The following TEX55 variants were observed in gnomAD, a reference collection of about 807,000 sequenced individuals.
TEX55 encodes the protein testis-specific expressed protein 55.
Under a neutral mutation model 44.6 loss-of-function variants are expected in TEX55, and 31 were observed. That is an observed-to-expected ratio of 0.69 (90% confidence interval 0.52 to 0.94). The LOEUF is 0.94. Ranked by LOEUF, TEX55 falls within the 40% of genes least tolerant of loss-of-function variation. The probability of loss-of-function intolerance (pLI) is 0.00; values close to 1 mark genes in which losing one functional copy is unlikely to be tolerated. For missense variants in TEX55, 639 were observed against 638.4 expected (o/e 1.00, Z -0.01); for synonymous variants, 230 against 230.9 (o/e 1.00, Z 0.04).
rs1054803593 is a variant in TEX55, at chr3:119,148,486, A to C, written c.1542+163A>C. Among the ~76,000 whole-genome samples, 22 of 152,224 alleles carry C rather than the reference A, an allele frequency of 1.4e-4. 1 individual carries two copies. The highest frequency in any genetic ancestry group is 5.1e-4 in the African/African-American group (21 of 41,468). On this transcript the variant is annotated intron_variant, in intron 2 of 2. Coordinates refer to ENST00000295622, the MANE Select transcript of TEX55 (RefSeq NM_152539.3). ...TAAACACCAAATAGATGATACCATC[A>C]TATGAAGCCATTCAGAGGGATTAGA...
At chr3:119,147,712 G>T (rs1216488470) in intron 1 of TEX55, 125 bp downstream of exon 1, 3 of 810,536 alleles carry the variant, frequency 3.7e-6, no homozygotes, top group African/African-American at 3.5e-5. Context: ...AAACCCACAT[G>T]TTGTGGTATG....
At chr3:119,149,779 C>T (rs1469832012) in intron 2 of TEX55, among the ~76,000 whole-genome samples, 2 of 152,108 alleles carry the variant, frequency 1.3e-5, no homozygotes, top group African/African-American at 2.4e-5. Context: ...ATATGGAACA[C>T]GACTATACTT....
In TEX55 at chr3:119,151,374, C is replaced by T. The variant is rs998718376; in HGVS notation, c.*82C>T. 1.2e-5 allele frequency: 14 copies of T among 1,152,850 alleles called. No individual in the cohort carries two copies. The highest frequency in any genetic ancestry group is 1.1e-4 in the South Asian group (8 of 71,886). 71.4% of individuals were successfully genotyped at this position (1,152,850 alleles called of 1,614,324 possible). A position where few individuals can be genotyped will look rare whatever the true frequency, so the allele number is the denominator to read the frequency against. ...ACAGCAAAGTGTATAGAACAAAGTA[C>T]GTACAACTCTGAATTCTTATGAAGT... is the stretch of plus-strand genomic sequence containing the variant. On this transcript the variant is annotated 3_prime_UTR_variant, in exon 3 of 3. Transcript: ENST00000295622.
chr3:119,151,103 C>A, intron 2 of TEX55, 121 bp from the exon 3 acceptor site: 1 of 685,850 alleles, frequency 1.5e-6, no homozygotes, highest in Non-Finnish European at 2.6e-6. Flanking sequence ...GGGAACCCAT[C>A]TCTGAAAAAA....
At chr3:119,150,757 T>TG (rs2077774513) in intron 2 of TEX55, among the ~76,000 whole-genome samples, 1 of 152,144 alleles carries the variant, frequency 6.6e-6, no homozygotes, top group African/African-American at 2.4e-5. Flanking sequence ...AAGACCACAG[T>TG]TCTCAAAACA....
Position 119,146,963 on chromosome 3 carries a change from T to A in TEX55, c.774T>A (p.Ile258=). The change falls in exon 1 of 3, where the codon ATT becomes ATA. Residue 258 remains isoleucine, a synonymous_variant. Coordinates refer to ENST00000295622, the MANE Select transcript of TEX55 (RefSeq NM_152539.3). ...CTGACCAAAGACCTTCCGTACAGAT[T>A]GACCGCAGAATGTCAGGGAAAGTTA... ...VPSDQRPSVQ[I]DRRMSGKVRR... is the part of the protein sequence containing the mutation. 6.2e-7 allele frequency: 1 copy of A among 1,614,194 alleles called. No homozygotes were observed. The highest frequency in any genetic ancestry group is 8.5e-7 in the Non-Finnish European group (1 of 1,180,030).
Position 119,146,816 on chromosome 3 carries a change from G to GATTACACAC in TEX55, c.629_637dup (p.Ile210_His212dup), listed in dbSNP as rs1200073719. ...AGGCTGAGCGAAGAACTTCTGAGCAGATTACACACAGATTATCCAAACTAT... is the reference window on the plus strand; with the variant it reads ...AGGCTGAGCGAAGAACTTCTGAGCAGATTACACACATTACACACAGATTATCCAAACTAT... On this transcript the variant is annotated inframe_insertion, in exon 1 of 3. Coordinates refer to ENST00000295622, the MANE Select transcript of TEX55 (RefSeq NM_152539.3). 4.3e-6 allele frequency: 7 copies of GATTACACAC among 1,614,138 alleles called. No individual in the cohort carries two copies. The Middle Eastern group carries it at 4.9e-4, about 114-fold the overall frequency.
rs1198907662 is a variant in TEX55, at chr3:119,146,753, A to T, written c.564A>T (p.Arg188Ser). ...TDHRMAGQSE[R>S]RASEQMDRRM... ...ACAGAATGGCAGGCCAGTCTGAGAG[A>T]AGAGCTTCCGAGCAGATGGACCGCA... The change falls in exon 1 of 3, where the codon AGA (arginine) becomes AGT (serine). Residue 188 changes from arginine to serine, a missense_variant. By Grantham distance (110) the Arg-to-Ser change is moderately radical. Coordinates refer to ENST00000295622, the MANE Select transcript of TEX55 (RefSeq NM_152539.3). The T allele has an allele frequency of 1.2e-6, 2 of 1,613,930 alleles. No individual in the cohort carries two copies. The highest frequency in any genetic ancestry group is 1.7e-6 in the Non-Finnish European group (2 of 1,179,910).
At chr3:119,150,023 ATTTTGTAATCTGT>A (rs567198464) in intron 2 of TEX55, among the ~76,000 whole-genome samples, 1 of 152,304 alleles carries the variant, frequency 6.6e-6, no homozygotes, top group East Asian at 1.9e-4. Flanking sequence ...AAGAGCACAG[ATTTTGTAATCTGT>A]TAGCCCAAGT....
At chr3:119,151,178 A>AT (rs1553739397) in intron 2 of TEX55, 46 bp from the exon 3 acceptor site, 1 of 1,232,510 alleles carries the variant, frequency 8.1e-7, no homozygotes, top group South Asian at 1.2e-5. Context: ...TGACCACATA[A>AT]TTTTGCTCAG....
In TEX55 at chr3:119,147,201, G is replaced by C. The variant is rs1428810919; in HGVS notation, c.1012G>C (p.Ala338Pro). The change falls in exon 1 of 3, where the codon GCT becomes CCT. Residue 338 changes from alanine (A) to proline (P), a missense_variant. Coordinates refer to ENST00000295622, the MANE Select transcript of TEX55 (RefSeq NM_152539.3). The stretch of plus-strand genomic sequence containing the variant: ...TGCTGATCAACCTCCAGTTGACAAT[G>C]CTCACTACACTGAATCTGACCAGAC... ...SNADQPPVDN[A>P]HYTESDQTDH... The C allele has an allele frequency of 8.1e-6, 13 of 1,614,116 alleles. No individual in the cohort carries two copies. Among genetic ancestry groups the C allele is most frequent in the Non-Finnish European group, 1.1e-5 (13 of 1,180,026 alleles).
At position 119,147,302 on chromosome 3, in the gene TEX55, C is replaced by T; in HGVS notation, c.1113C>T (p.Asp371=). 5.0e-6 allele frequency: 8 copies of T among 1,614,152 alleles called. No homozygotes were observed. The highest frequency in any genetic ancestry group is 3.4e-6 in the Non-Finnish European group (4 of 1,180,030). ...SYYETRGQSE[D]RIFPQLGNSK... ...ATGAAACACGTGGCCAGTCTGAAGA[C>T]AGAATATTTCCCCAGTTAGGCAACA... Residue 371 remains aspartate, a synonymous_variant, in exon 1 of 3, where the codon GAC becomes GAT. Coordinates refer to ENST00000295622, the MANE Select transcript of TEX55 (RefSeq NM_152539.3).
chr3:119,148,707 C>T (rs1370460143), intron 2 of TEX55, among the ~76,000 whole-genome samples: 1 of 152,174 alleles, frequency 6.6e-6, no homozygotes, highest in Non-Finnish European at 1.5e-5. Flanking sequence ...GCAATTTTGT[C>T]ACTGTGTAAA....
rs777128841 is a variant in TEX55, at chr3:119,146,518, C to G, written c.329C>G (p.Pro110Arg). ...GCAGATGATCAGGTTAATCAAACACCGTCTGAACAGACTAAAGGCAAGGCA... is the reference window on the plus strand; with the variant it reads ...GCAGATGATCAGGTTAATCAAACACGGTCTGAACAGACTAAAGGCAAGGCA... ...LRADDQVNQT[P>R]SEQTKGKASS... Residue 110 changes from proline (P) to arginine (R), a missense_variant, in exon 1 of 3, where the codon CCG becomes CGG. Pro to Arg is a moderately radical substitution (Grantham distance 103). Transcript: ENST00000295622. 1 of 1,613,972 alleles carries G rather than the reference C, an allele frequency of 6.2e-7. No homozygotes were observed.
chr3:119,146,462 A>C lies in TEX55; in HGVS notation c.273A>C (p.Ala91=), dbSNP rs769648008. 1.9e-6 allele frequency: 3 copies of C among 1,614,166 alleles called. No homozygotes were observed. In the East Asian group the frequency reaches 6.7e-5, roughly 36 times the overall value. The change falls in exon 1 of 3, where the codon GCA becomes GCC. Residue 91 remains alanine, a synonymous_variant. Coordinates refer to ENST00000295622, the MANE Select transcript of TEX55 (RefSeq NM_152539.3). The part of the protein sequence containing the change: ...HSTPGQAGRR[A]SNPADVSDLR... Reference sequence around the variant, plus strand: ...CACCTGGTCAGGCTGGCCGCAGAGCATCCAACCCTGCTGATGTTTCTGACC... The same window carrying C: ...CACCTGGTCAGGCTGGCCGCAGAGCCTCCAACCCTGCTGATGTTTCTGACC...
rs1576851070 is a variant in TEX55, at chr3:119,147,109, A to G, written c.920A>G (p.His307Arg). The G allele has an allele frequency of 6.2e-7, 1 of 1,614,156 alleles. No individual in the cohort carries two copies. Among genetic ancestry groups the G allele is most frequent in the East Asian group, 2.2e-5 (1 of 44,878 alleles). ...GACCACAAAACATCTGTAAAGACTC[A>G]CCACCAAGTGTACGGCCAAGCCACT... Reference protein sequence around the residue: ...LVDHKTSVKTHHQVYGQATEL... With the variant: ...LVDHKTSVKTRHQVYGQATEL... The change falls in exon 1 of 3, where the codon CAC becomes CGC. Residue 307 changes from histidine (H) to arginine (R), a missense_variant. By Grantham distance (29) the His-to-Arg change is conservative. Transcript: ENST00000295622.
Position 119,151,415 on chromosome 3 carries a change from T to A in TEX55, c.*123T>A. ...CTTATGAAGTAAACATACCTGTAAC[T>A]ACCATTCAAGTTTTTAAAAAATAAA... is the stretch of plus-strand genomic sequence containing the variant. On this transcript the variant is annotated 3_prime_UTR_variant, in exon 3 of 3. Transcript: ENST00000295622. 1 of 707,434 alleles carries A rather than the reference T, an allele frequency of 1.4e-6. No individual in the cohort carries two copies. The highest frequency in any genetic ancestry group is 2.3e-6 in the Non-Finnish European group (1 of 439,416). 43.8% of individuals were successfully genotyped at this position (707,434 alleles called of 1,614,324 possible).
At chr3:119,148,353 T>A (rs1156923011) in intron 2 of TEX55, 30 bp downstream of exon 2, 1 of 1,595,116 alleles carries the variant, frequency 6.3e-7, no homozygotes, top group African/African-American at 1.4e-5. Flanking sequence ...TCTTTAATTA[T>A]AAGTTTTTCA....
At chr3:119,151,196 A>G in intron 2 of TEX55, 28 bp from the exon 3 acceptor site, 1 of 1,458,284 alleles carries the variant, frequency 6.9e-7, no homozygotes, top group Admixed American at 1.7e-5. Context: ...CAGAACCATA[A>G]TGTGATGCCT....
Sources: allele counts gnomAD v4.1 joint callset (sites outside exome capture counted in the v4.1 genomes callset), GRCh38; gene constraint gnomAD v4.1.1; transcripts MANE v1.5; gene names NCBI Gene and HGNC (gene_info 2026-07-23, HGNC 2026-07-21).